Variants in AHI1 observed in about 807,000 individuals in gnomAD.
AHI1 encodes the protein jouberin.
AHI1 carries 123 observed loss-of-function variants against 149.3 expected under a neutral mutation model. That is an observed-to-expected ratio of 0.82 (90% CI 0.71 to 0.96). The LOEUF (loss-of-function observed/expected upper bound fraction) is 0.96. AHI1 is among the 40% of genes least tolerant of loss of function. The probability of loss-of-function intolerance (pLI) is 0.00; values close to 1 mark genes in which losing one functional copy is unlikely to be tolerated. For missense variants in AHI1, 1,439 were observed against 1,422.7 expected (o/e 1.01, Z -0.18); for synonymous variants, 475 against 459.8 (o/e 1.03, Z -0.42).
At chr6:135,347,458 T>C (rs954104281) in intron 24 of AHI1, among the ~76,000 whole-genome samples, 1 of 152,218 alleles carries the variant, frequency 6.6e-6, no homozygotes, top group African/African-American at 2.4e-5. Flanking sequence ...AGAGTTAATA[T>C]TTTTGGCTCA....
At chr6:135,492,135 A>G in intron 4 of AHI1, 93 bp downstream of exon 4, 1 of 926,542 alleles carries the variant, frequency 1.1e-6, no homozygotes, top group Non-Finnish European at 1.6e-6. Context: ...TACTGTATTC[A>G]TTAATCTGTT....
At chr6:135,374,620 C>T (rs1019919425) in intron 23 of AHI1, among the ~76,000 whole-genome samples, 1 of 151,918 alleles carries the variant, frequency 6.6e-6, no homozygotes, top group Non-Finnish European at 1.5e-5. Context: ...ATACAAACGT[C>T]AATTTCTCTT....
intron 16 of AHI1, among the ~76,000 whole-genome samples, chr6:135,432,564 G>A (rs538025144): frequency 3.2e-4 from 49 of 152,184 alleles, no homozygotes; most frequent in African/African-American, 1.1e-3. Context: ...GTGTTAGCCA[G>A]GATGGTCTTG....
chr6:135,413,902 G>T (rs1562709755), intron 20 of AHI1, among the ~76,000 whole-genome samples: 1 of 152,072 alleles, frequency 6.6e-6, no homozygotes, highest in Non-Finnish European at 1.5e-5. Flanking sequence ...ACTCAATATT[G>T]GTAAGATGTA....
chr6:135,465,834 G>T lies in AHI1; in HGVS notation c.729C>A (p.Val243=). The change falls in exon 7 of 29, where the codon GTC becomes GTA. Residue 243 remains valine, a synonymous_variant. Transcript: ENST00000265602. The stretch of plus-strand genomic sequence containing the variant: ...AATACCTTGTTTCAGCTTTAGAGAA[G>T]ACTGGAACTTCCTTTTTCTTTTTCC... ...EKRKKKKEVP[V]FSKAETSTLT... is the part of the protein sequence containing the mutation. The T allele has an allele frequency of 1.4e-6, 2 of 1,478,510 alleles. No homozygotes were observed. Among genetic ancestry groups the T allele is most frequent in the South Asian group, 3.2e-5 (2 of 62,994 alleles). The allele number at this position is 1,478,510 out of a possible 1,614,324, so 91.6% of individuals were successfully genotyped here. A position where few individuals can be genotyped will look rare whatever the true frequency, so the allele number is the denominator to read the frequency against.
chr6:135,475,637 G>A (rs575569041), intron 5 of AHI1, among the ~76,000 whole-genome samples: 13 of 152,310 alleles, frequency 8.5e-5, no homozygotes, highest in South Asian at 6.2e-4. Flanking sequence ...GGCTTGGGTT[G>A]AGCTTCCCTG....
At chr6:135,446,527 G>A (rs190276855) in intron 13 of AHI1, among the ~76,000 whole-genome samples, 1 of 152,274 alleles carries the variant, frequency 6.6e-6, no homozygotes. Flanking sequence ...AGGTAATTTG[G>A]TCCTGAGAGT....
intron 23 of AHI1, among the ~76,000 whole-genome samples, chr6:135,378,793 T>C (rs1251393292): frequency 6.6e-6 from 1 of 152,238 alleles, no homozygotes. Flanking sequence ...TGATTTGTTA[T>C]TACAATGCAG....
At chr6:135,300,360 A>G (rs1783713763) in intron 27 of AHI1, 140 bp downstream of exon 27, 1 of 1,018,112 alleles carries the variant, frequency 9.8e-7, no homozygotes, top group Non-Finnish European at 1.3e-6. Flanking sequence ...ATCGTAAACA[A>G]GCTAAACTCC....
At chr6:135,373,286 C>G (rs981619093) in intron 23 of AHI1, among the ~76,000 whole-genome samples, 1 of 152,140 alleles carries the variant, frequency 6.6e-6, no homozygotes, top group African/African-American at 2.4e-5. Context: ...ATTACAACTG[C>G]CTATGGCATT....
intron 21 of AHI1, among the ~76,000 whole-genome samples, chr6:135,409,335 G>A (rs752880490): frequency 6.6e-6 from 1 of 152,040 alleles, no homozygotes; most frequent in Non-Finnish European, 1.5e-5. Flanking sequence ...TTTTGGGAGA[G>A]GATCTTCCAC....
At chr6:135,420,774 A>C (rs1017008126) in intron 20 of AHI1, among the ~76,000 whole-genome samples, 6 of 152,160 alleles carry the variant, frequency 3.9e-5, no homozygotes. Context: ...ATCAGCAATA[A>C]GGCTGTTTTA....
At chr6:135,340,061 C>T (rs892202849) in intron 24 of AHI1, among the ~76,000 whole-genome samples, 7 of 152,116 alleles carry the variant, frequency 4.6e-5, no homozygotes, top group African/African-American at 1.7e-4. Context: ...TCCAGCAAAA[C>T]ACTCCTTTAA....
rs760243511 is a variant in AHI1, at chr6:135,466,109, A to G, written c.454T>C (p.Ser152Pro). ...TTTGTATGTGTTTTCTGGTGTGTAG[A>G]ATCAACCTTATTCTCAGGAGTTTCC... ...KPETPENKVD[S>P]THQKTHTKPQ... The change falls in exon 7 of 29, where the codon TCT becomes CCT. Residue 152 changes from serine to proline, a missense_variant. Ser to Pro is a moderately conservative substitution (Grantham distance 74, BLOSUM62 -1). Transcript: ENST00000265602. 1.2e-6 allele frequency: 2 copies of G among 1,613,758 alleles called. No individual in the cohort carries two copies. The highest frequency in any genetic ancestry group is 4.5e-5 in the East Asian group (2 of 44,892).
In AHI1 at chr6:135,411,467, C is replaced by G; in HGVS notation, c.2842G>C (p.Ala948Pro). 1.2e-6 allele frequency: 2 copies of G among 1,613,016 alleles called. No individual in the cohort carries two copies. Among genetic ancestry groups the G allele is most frequent in the Non-Finnish European group, 1.7e-6 (2 of 1,179,366 alleles). ...GGTAGTTTTGGACAGGTACATAGGGCATCTTGACTTTGGTGTATTCCAGGT... is the reference window on the plus strand; with the variant it reads ...GGTAGTTTTGGACAGGTACATAGGGGATCTTGACTTTGGTGTATTCCAGGT... ...PLPGIHQSQD[A>P]LCTCPKLPHQ... Residue 948 changes from alanine (A) to proline (P), a missense_variant, in exon 21 of 29, where the codon GCC becomes CCC. Coordinates refer to ENST00000265602, the MANE Select transcript of AHI1 (RefSeq NM_001134831.2).
At chr6:135,393,899 A>G (rs1686571257) in intron 23 of AHI1, among the ~76,000 whole-genome samples, 1 of 152,064 alleles carries the variant, frequency 6.6e-6, no homozygotes, top group Non-Finnish European at 1.5e-5. Context: ...GCCAGGGTTG[A>G]GCATAAGAGT....
At chr6:135,301,606 T>C in intron 26 of AHI1, 1 of 985,460 alleles carries the variant, frequency 1.0e-6, no homozygotes, top group Non-Finnish European at 1.2e-6. Flanking sequence ...ACCATAATTA[T>C]ATGATTATTA....
rs1583490232 is a variant in AHI1 at position 135,285,484 on chromosome 6, C to T, written c.*161G>A. 1 of 776,628 alleles carries T rather than the reference C, an allele frequency of 1.3e-6. No individual in the cohort carries two copies. The highest frequency in any genetic ancestry group is 2.7e-5 in the East Asian group (1 of 37,162). 48.1% of individuals were successfully genotyped at this position (776,628 alleles called of 1,614,324 possible). On this transcript the variant is annotated 3_prime_UTR_variant, in exon 29 of 29. Transcript: ENST00000265602. The stretch of plus-strand genomic sequence containing the variant: ...GCCACGTTGATTTTTCCACCCACAA[C>T]TTGATTCTGATTTTTCTAGAGTCAT...
chr6:135,463,168 A>G lies in AHI1; in HGVS notation c.888T>C (p.Asp296=). The change falls in exon 8 of 29, where the codon GAT becomes GAC. Residue 296 remains aspartate, a synonymous_variant. Coordinates refer to ENST00000265602, the MANE Select transcript of AHI1 (RefSeq NM_001134831.2). ...TTGTTTTTTTTGGTTTAGGTTTTGT[A>G]TCATCTTGCATGCTGTCTTCTGTGC... ...EQSTEDSMQD[D]TKPKPKKTKK... 1.2e-6 allele frequency: 2 copies of G among 1,603,454 alleles called. No individual in the cohort carries two copies. Among genetic ancestry groups the G allele is most frequent in the Non-Finnish European group, 1.7e-6 (2 of 1,176,492 alleles).
Sources: allele counts gnomAD v4.1 joint callset (sites outside exome capture counted in the v4.1 genomes callset), GRCh38; gene constraint gnomAD v4.1.1; transcripts MANE v1.5; gene names NCBI Gene and HGNC (gene_info 2026-07-23, HGNC 2026-07-21).